ZNF107: variants seen among roughly 807,000 people sequenced by gnomAD.
The protein encoded by ZNF107 is C2H2 type zinc-finger protein.
Under a neutral mutation model 12.3 loss-of-function variants are expected in ZNF107, and 19 were observed. The ratio of observed to expected loss-of-function variants is 1.55; its 90% confidence interval spans 1.08 to 2.27. ZNF107 has a LOEUF of 2.27. Among genes scored for constraint, ZNF107 ranks in the 30% most tolerant of loss-of-function variants. The pLI is 0.00. For missense variants in ZNF107, 958 were observed against 979.9 expected (o/e 0.98, Z 0.30); for synonymous variants, 317 against 330.5 (o/e 0.96, Z 0.44).
At position 64,710,164 on chromosome 7, in the gene ZNF107, G is replaced by A. The variant is rs1466133363; in HGVS notation, c.*1508G>A. On this transcript the variant is annotated 3_prime_UTR_variant, in exon 4 of 4. Transcript: ENST00000620827. ...ACAAAAAAAGAGTATTCATTGTGAG[G>A]ACAAACAATACAAATACGAAGAGGG... is the stretch of plus-strand genomic sequence containing the variant. 1.3e-5 allele frequency: 2 copies of A among 158,496 alleles called. No homozygotes were observed. Among genetic ancestry groups the A allele is most frequent in the African/African-American group, 4.8e-5 (2 of 41,436 alleles). 9.8% of individuals were successfully genotyped at this position (158,496 alleles called of 1,614,324 possible).
chr7:64,684,086 G>A (rs143226332), intron 1 of ZNF107, among the ~76,000 whole-genome samples: 234 of 152,178 alleles, frequency 1.5e-3, no homozygotes, highest in African/African-American at 5.1e-3. Context: ...TCATTCCTCA[G>A]GAAAGGTTGA....
chr7:64,707,615 G>C lies in ZNF107; in HGVS notation c.1518G>C (p.Glu506Asp). 6.2e-7 allele frequency: 1 copy of C among 1,612,756 alleles called. No homozygotes were observed. Among genetic ancestry groups the C allele is most frequent in the Non-Finnish European group, 8.5e-7 (1 of 1,179,584 alleles). Residue 506 changes from glutamate to aspartate, a missense_variant, in exon 4 of 4, where the codon GAG (glutamate) becomes GAC (aspartate). Physicochemically the swap from Glu to Asp is conservative, Grantham distance 45 (BLOSUM62 2). Coordinates refer to ENST00000620827, the MANE Select transcript of ZNF107 (RefSeq NM_001282359.2). ...LTRHKKIHTG[E>D]KPYKCEECDR... ...GACATAAGAAAATTCATACTGGAGA[G>C]AAACCCTACAAATGTGAAGAATGTG...
At chr7:64,688,296 G>A (rs1485212721) in intron 1 of ZNF107, among the ~76,000 whole-genome samples, 2 of 131,794 alleles carry the variant, frequency 1.5e-5, no homozygotes, top group Non-Finnish European at 3.1e-5. Flanking sequence ...TCACTCTGTT[G>A]CCCAGGCTGG....
At chr7:64,699,940 G>A (rs1195516466) in intron 3 of ZNF107, among the ~76,000 whole-genome samples, 4 of 150,658 alleles carry the variant, frequency 2.7e-5, no homozygotes, top group African/African-American at 7.3e-5. Context: ...GGTAGCGGGT[G>A]CCTGTAGTCC....
intron 3 of ZNF107, among the ~76,000 whole-genome samples, chr7:64,699,605 A>C (rs530525479): frequency 6.6e-6 from 1 of 152,072 alleles, no homozygotes; most frequent in Non-Finnish European, 1.5e-5. Flanking sequence ...TAATATTTTT[A>C]TTATTTGTAG....
At position 64,703,054 on chromosome 7, in the gene ZNF107, A is replaced by G. The variant is rs1475466306; in HGVS notation, c.227-3270A>G. Among the ~76,000 whole-genome samples the G allele has an allele frequency of 2.0e-5, 3 of 152,086 alleles. No individual in the cohort carries two copies. In the East Asian group the frequency reaches 5.8e-4, roughly 29 times the overall value. ...ATATTTCTTTCTTGAATATATTGAC[A>G]TACTTGATGGCATTCGATAAGTTTT... is the stretch of plus-strand genomic sequence containing the variant. On this transcript the variant is annotated intron_variant, in intron 3 of 3. Transcript: ENST00000620827.
chr7:64,708,761 C>T lies in ZNF107; in HGVS notation c.*105C>T. On this transcript the variant is annotated 3_prime_UTR_variant, in exon 4 of 4. Transcript: ENST00000620827. ...TAACAAGTCTTCAACTTTTTCTGCA[C>T]ACACGAGGTATTTTATACTGGTGAG... is the stretch of plus-strand genomic sequence containing the variant. 8.8e-7 allele frequency: 1 copy of T among 1,137,078 alleles called. No individual in the cohort carries two copies. The highest frequency in any genetic ancestry group is 2.7e-5 in the Admixed American group (1 of 37,144). The allele number at this position is 1,137,078 out of a possible 1,614,324, so 70.4% of individuals were successfully genotyped here. A position where few individuals can be genotyped will look rare whatever the true frequency, so the allele number is the denominator to read the frequency against.
chr7:64,703,708 T>A (rs1790547822), intron 3 of ZNF107, among the ~76,000 whole-genome samples: 1 of 152,102 alleles, frequency 6.6e-6, no homozygotes, highest in Admixed American at 6.6e-5. Flanking sequence ...GGATTAAAGG[T>A]CTGAGCCACC....
At chr7:64,673,255 G>A (rs1036114387) in intron 1 of ZNF107, among the ~76,000 whole-genome samples, 1 of 152,164 alleles carries the variant, frequency 6.6e-6, no homozygotes, top group African/African-American at 2.4e-5. Context: ...TCTTGGTCAG[G>A]CTGGTCTCAA....
At position 64,709,781 on chromosome 7, in the gene ZNF107, A is replaced by G. The variant is rs900101358; in HGVS notation, c.*1125A>G. On this transcript the variant is annotated 3_prime_UTR_variant, in exon 4 of 4. Transcript: ENST00000620827. The stretch of plus-strand genomic sequence containing the variant: ...AGAGTTAGTACGTAATAAAAGCATT[A>G]TAAATGCAATTTTTGTCAAGAGATC... The G allele has an allele frequency of 2.2e-6, 1 of 449,292 alleles. No individual in the cohort carries two copies. 27.8% of individuals were successfully genotyped at this position (449,292 alleles called of 1,614,324 possible). A position where few individuals can be genotyped will look rare whatever the true frequency, so the allele number is the denominator to read the frequency against.
Position 64,708,214 on chromosome 7 carries a change from A to G in ZNF107, c.2117A>G (p.Gln706Arg). The G allele has an allele frequency of 6.2e-7, 1 of 1,613,352 alleles. No homozygotes were observed. The highest frequency in any genetic ancestry group is 8.5e-7 in the Non-Finnish European group (1 of 1,179,692). The change falls in exon 4 of 4, where the codon CAA (glutamine) becomes CGA (arginine). Residue 706 changes from glutamine (Q) to arginine (R), a missense_variant. Gln to Arg is a conservative substitution (Grantham distance 43). Transcript: ENST00000620827. ...KRIHTGEKPY[Q>R]CAECGKAFNC... ...ATTCATACGGGAGAGAAACCTTACC[A>G]ATGTGCAGAATGTGGCAAAGCCTTT...
At chr7:64,686,402 A>G (rs1343222688) in intron 1 of ZNF107, 1 of 486,444 alleles carries the variant, frequency 2.1e-6, no homozygotes, top group Non-Finnish European at 2.7e-6. Context: ...CAATCAATCT[A>G]TGCGACAAAT....
chr7:64,683,504 T>C (rs913696983), intron 1 of ZNF107, among the ~76,000 whole-genome samples: 2 of 152,200 alleles, frequency 1.3e-5, no homozygotes, highest in African/African-American at 4.8e-5. Context: ...TACCTACTAC[T>C]CTTCTTCTGA....
At chr7:64,678,782 T>TA (rs1450596528) in intron 1 of ZNF107, among the ~76,000 whole-genome samples, 4 of 152,140 alleles carry the variant, frequency 2.6e-5, no homozygotes, top group Non-Finnish European at 2.9e-5. Context: ...GAGATAATAT[T>TA]AGGGAAGCAT....
At chr7:64,692,084 C>G (rs1228777008) in intron 3 of ZNF107, 124 bp downstream of exon 3, 1 of 633,164 alleles carries the variant, frequency 1.6e-6, no homozygotes, top group East Asian at 5.7e-5. Flanking sequence ...TTCTGGAAAG[C>G]CTGAGTTTTT....
At position 64,707,138 on chromosome 7, in the gene ZNF107, C is replaced by T; in HGVS notation, c.1041C>T (p.Gly347=). The stretch of plus-strand genomic sequence containing the variant: ...AACCCTACAAATGTAAAGAATGTGG[C>T]AGAGCTTTTAACATATCCTCAAACC... ...GEKPYKCKEC[G]RAFNISSNLN... Residue 347 remains glycine (G), a synonymous_variant, in exon 4 of 4, where the codon GGC becomes GGT. Coordinates refer to ENST00000620827, the MANE Select transcript of ZNF107 (RefSeq NM_001282359.2). 3 of 1,613,554 alleles carry T rather than the reference C, an allele frequency of 1.9e-6. No individual in the cohort carries two copies. Among genetic ancestry groups the T allele is most frequent in the Non-Finnish European group, 2.5e-6 (3 of 1,179,784 alleles).
chr7:64,683,832 G>A (rs765107151), intron 1 of ZNF107, among the ~76,000 whole-genome samples: 6 of 152,042 alleles, frequency 3.9e-5, no homozygotes, highest in Non-Finnish European at 8.8e-5. Flanking sequence ...CATATGCCTC[G>A]TGTCAAAAAA....
intron 1 of ZNF107, chr7:64,679,098 T>C: frequency 1.9e-6 from 1 of 528,966 alleles, no homozygotes. Context: ...CCAAGCAGGC[T>C]TTGTGTGAGC....
At chr7:64,668,966 C>T (rs1402039447) in intron 1 of ZNF107, 2 of 145,870 alleles carry the variant, frequency 1.4e-5, no homozygotes, top group East Asian at 2.0e-4. Context: ...TGTTCTATAT[C>T]CTATCATCTT....
Sources: gnomAD v4.1 joint callset for allele counts (sites outside exome capture counted in the v4.1 genomes callset) on GRCh38, gnomAD v4.1.1 for gene constraint, MANE v1.5 for transcripts, NCBI Gene and HGNC (gene_info 2026-07-23, HGNC 2026-07-21) for gene names.